TPO: variants seen among roughly 807,000 people sequenced by gnomAD.
The protein encoded by TPO is thyroid peroxidase, also known as thyroid microsomal antigen.
TPO carries 78 observed loss-of-function variants against 96.9 expected under a neutral mutation model. That is an observed-to-expected ratio of 0.81 (90% CI 0.67 to 0.97). The LOEUF is 0.97. Ranked by LOEUF, TPO falls within the 50% of genes least tolerant of loss-of-function variation. The pLI is 0.00. For missense variants in TPO, 1,252 were observed against 1,274.8 expected (o/e 0.98, Z 0.27); for synonymous variants, 547 against 538.0 (o/e 1.02, Z -0.23).
intron 15 of TPO, among the ~76,000 whole-genome samples, chr2:1,529,863 G>T (rs1211371985): frequency 6.8e-4 from 4 of 5,910 alleles, no homozygotes; most frequent in Non-Finnish European, 1.4e-3. Flanking sequence ...TCCCAAAATT[G>T]CCCCCACTGT....
Position 1,512,862 on chromosome 2 carries a change from C to T in TPO, c.2519-4021C>T, listed in dbSNP as rs528611284. Among the ~76,000 whole-genome samples the T allele has an allele frequency of 2.6e-5, 4 of 152,332 alleles. No individual in the cohort carries two copies. The South Asian group carries it at 8.3e-4, about 32-fold the overall frequency. On this transcript the variant is annotated intron_variant, in intron 14 of 16. Transcript: ENST00000329066. ...CTGGGGATGCTGGCTTCAGTGCTTC[C>T]CCCACCACCAGCACCCTTATGATTA...
intron 14 of TPO, among the ~76,000 whole-genome samples, chr2:1,507,211 A>T (rs1373300451): frequency 3.3e-5 from 5 of 151,954 alleles, no homozygotes; most frequent in African/African-American, 4.8e-5. Context: ...TGGCATTATT[A>T]CTGAGGGCTC....
At chr2:1,396,485 C>T (rs1220808800) in intron 1 of TPO, among the ~76,000 whole-genome samples, 1 of 152,180 alleles carries the variant, frequency 6.6e-6, no homozygotes, top group East Asian at 1.9e-4. Flanking sequence ...TCTGACAGTG[C>T]TCGAATATTT....
chr2:1,400,568 CAAAAAAAAA>C (rs34242408), intron 1 of TPO, among the ~76,000 whole-genome samples: 2 of 71,604 alleles, frequency 2.8e-5, no homozygotes, highest in East Asian at 4.7e-4. Flanking sequence ...GACTCTGTCT[CAAAAAAAAA>C]AAAAAAAAAA....
At chr2:1,541,703 TA>T (rs1186926349) in intron 16 of TPO, 4 of 152,348 alleles carry the variant, frequency 2.6e-5, no homozygotes, top group Non-Finnish European at 5.9e-5. Context: ...ATATGTTAAT[TA>T]ATTTGATATA....
chr2:1,426,026 A>G (rs971410022), intron 3 of TPO, among the ~76,000 whole-genome samples: 13 of 148,568 alleles, frequency 8.8e-5, no homozygotes, highest in Non-Finnish European at 1.6e-4. Flanking sequence ...CGATCATTTC[A>G]TATTCTCAGA....
chr2:1,530,631 C>T (rs866100699), intron 15 of TPO, among the ~76,000 whole-genome samples: 1 of 57,182 alleles, frequency 1.7e-5, no homozygotes, highest in African/African-American at 8.7e-5. Context: ...CCCAACTCCC[C>T]GACTCTCTGC....
At chr2:1,422,075 G>A (rs1663609078) in intron 2 of TPO, among the ~76,000 whole-genome samples, 1 of 152,220 alleles carries the variant, frequency 6.6e-6, no homozygotes, top group South Asian at 2.1e-4. Flanking sequence ...GTCACCCTCT[G>A]CCCCAAGTGC....
At chr2:1,542,221 G>C in intron 16 of TPO, 200 bp from the exon 17 acceptor site, 5 of 704,186 alleles carry the variant, frequency 7.1e-6, no homozygotes, top group Admixed American at 2.3e-5. Flanking sequence ...TGGATCCTCT[G>C]TGGCCTCCTG....
intron 5 of TPO, among the ~76,000 whole-genome samples, chr2:1,449,816 A>G (rs1451723379): frequency 6.6e-6 from 1 of 152,244 alleles, no homozygotes; most frequent in Non-Finnish European, 1.5e-5. Context: ...TGCCGATTAT[A>G]GAAAGCATTT....
chr2:1,464,678 G>T (rs1334576447), intron 7 of TPO, among the ~76,000 whole-genome samples: 4 of 152,070 alleles, frequency 2.6e-5, no homozygotes, highest in Non-Finnish European at 2.9e-5. Context: ...TCATATGTTT[G>T]TTGGCCATGT....
chr2:1,499,941 G>A (rs973940266), intron 13 of TPO, among the ~76,000 whole-genome samples: 4 of 152,230 alleles, frequency 2.6e-5, no homozygotes, highest in Admixed American at 6.5e-5. Flanking sequence ...ACAAAGAGCG[G>A]GGTGCAGGCC....
At chr2:1,468,139 G>A (rs945834006) in intron 7 of TPO, among the ~76,000 whole-genome samples, 2 of 151,814 alleles carry the variant, frequency 1.3e-5, no homozygotes, top group African/African-American at 4.8e-5. Context: ...TATGCATTCT[G>A]CAATTCTGTA....
At chr2:1,456,404 G>C in intron 7 of TPO, 122 bp downstream of exon 7, 1 of 1,056,994 alleles carries the variant, frequency 9.5e-7, no homozygotes, top group Non-Finnish European at 1.4e-6. Flanking sequence ...AGGGGTAGCA[G>C]TTGTGAATAT....
At chr2:1,454,155 T>C (rs1314780376) in intron 6 of TPO, among the ~76,000 whole-genome samples, 4 of 144,946 alleles carry the variant, frequency 2.8e-5, no homozygotes, top group African/African-American at 1.0e-4. Flanking sequence ...CCAAGATGAT[T>C]ATGAGTTCAG....
At chr2:1,512,360 C>T (rs1050553965) in intron 14 of TPO, 29 of 982,852 alleles carry the variant, frequency 3.0e-5, no homozygotes, top group Non-Finnish European at 3.5e-5. Flanking sequence ...AGGAATCCTC[C>T]TGCCTGGACA....
At chr2:1,532,972 G>C (rs62117042) in intron 15 of TPO, among the ~76,000 whole-genome samples, 2 of 46,862 alleles carry the variant, frequency 4.3e-5, no homozygotes, top group Non-Finnish European at 7.1e-5. Flanking sequence ...ACTGTGTCCA[G>C]CCTCCCCAAA....
intron 6 of TPO, 117 bp from the exon 7 acceptor site, chr2:1,455,959 G>C: frequency 2.0e-6 from 2 of 1,014,506 alleles, no homozygotes; most frequent in Middle Eastern, 2.9e-4. Context: ...GATCTCCTAG[G>C]GGCACCTGGA....
intron 5 of TPO, among the ~76,000 whole-genome samples, chr2:1,451,718 C>T (rs991698617): frequency 5.3e-5 from 8 of 152,098 alleles, no homozygotes; most frequent in African/African-American, 1.4e-4. Context: ...CAATGGAACC[C>T]GGATATCATG....
Sources: gnomAD v4.1 joint callset for allele counts (sites outside exome capture counted in the v4.1 genomes callset) on GRCh38, gnomAD v4.1.1 for gene constraint, MANE v1.5 for transcripts, NCBI Gene and HGNC (gene_info 2026-07-23, HGNC 2026-07-21) for gene names.